CSMD3: variants seen among roughly 807,000 people sequenced by gnomAD.
CSMD3 encodes CUB and sushi domain-containing protein 3.
CSMD3 carries 177 observed loss-of-function variants against 435.2 expected under a neutral mutation model. The ratio of observed to expected loss-of-function variants is 0.41; its 90% confidence interval spans 0.36 to 0.46. The LOEUF (loss-of-function observed/expected upper bound fraction) is 0.46, where lower values mean the gene tolerates loss of function less well. CSMD3 is among the 20% of genes least tolerant of loss of function. The pLI is 0.34. For synonymous variants in CSMD3, 1,656 were observed against 1,520.5 expected (o/e 1.09, Z -2.07); for missense variants, 4,265 against 4,504.6 (o/e 0.95, Z 1.52).
chr8:112,920,339 A>C (rs1176161820), intron 10 of CSMD3, among the ~76,000 whole-genome samples: 4 of 151,912 alleles, frequency 2.6e-5, no homozygotes, highest in Non-Finnish European at 5.9e-5. Flanking sequence ...AGAAAAAGGT[A>C]AGCAAGTGGA....
chr8:112,745,119 T>C (rs774545224), intron 13 of CSMD3, among the ~76,000 whole-genome samples: 3 of 152,068 alleles, frequency 2.0e-5, no homozygotes, highest in Non-Finnish European at 4.4e-5. Context: ...GAATTGTAAA[T>C]TGGTACAATT....
intron 1 of CSMD3, among the ~76,000 whole-genome samples, chr8:113,367,188 C>A (rs1171657640): frequency 6.6e-6 from 1 of 151,804 alleles, no homozygotes; most frequent in Non-Finnish European, 1.5e-5. Context: ...CTTATGCTAT[C>A]AAATTTCCAA....
chr8:113,019,037 A>T (rs2086582231), intron 6 of CSMD3, 30 bp downstream of exon 6: 1 of 1,355,546 alleles, frequency 7.4e-7, no homozygotes, highest in Non-Finnish European at 1.1e-6. Context: ...TTTACATATC[A>T]AAAGAGGCAA....
intron 54 of CSMD3, among the ~76,000 whole-genome samples, chr8:112,295,378 C>T (rs1820161786): frequency 6.6e-6 from 1 of 151,954 alleles, no homozygotes; most frequent in Admixed American, 6.6e-5. Flanking sequence ...TGTGCTTCAT[C>T]AGTATATAAT....
intron 27 of CSMD3, among the ~76,000 whole-genome samples, chr8:112,519,871 G>T (rs540572345): frequency 1.3e-5 from 2 of 152,172 alleles, no homozygotes; most frequent in Non-Finnish European, 2.9e-5. Flanking sequence ...TAAAGCCTTT[G>T]TAATAAAATG....
chr8:113,171,672 A>G (rs1588200027), intron 4 of CSMD3, among the ~76,000 whole-genome samples: 1 of 152,164 alleles, frequency 6.6e-6, no homozygotes, highest in East Asian at 1.9e-4. Flanking sequence ...CAAAAAGGTA[A>G]CAAGCTCAGG....
At chr8:112,418,397 G>A (rs1586259978) in intron 32 of CSMD3, among the ~76,000 whole-genome samples, 2 of 152,026 alleles carry the variant, frequency 1.3e-5, no homozygotes, top group Middle Eastern at 3.2e-3. Context: ...AATGCAAAAT[G>A]CTTCCCTTTT....
At chr8:113,251,825 G>C (rs1332522361) in intron 3 of CSMD3, among the ~76,000 whole-genome samples, 1 of 151,942 alleles carries the variant, frequency 6.6e-6, no homozygotes, top group Non-Finnish European at 1.5e-5. Context: ...ACACTTTTCT[G>C]ATTCACTTGA....
chr8:112,706,436 A>G (rs775896275), intron 13 of CSMD3, among the ~76,000 whole-genome samples: 4 of 152,104 alleles, frequency 2.6e-5, no homozygotes, highest in African/African-American at 4.8e-5. Flanking sequence ...AAGAAGTAGA[A>G]AGACAAAAAA....
At chr8:113,390,870 C>A (rs1033797329) in intron 1 of CSMD3, among the ~76,000 whole-genome samples, 1 of 151,864 alleles carries the variant, frequency 6.6e-6, no homozygotes, top group African/African-American at 2.4e-5. Flanking sequence ...CTATTTCAGA[C>A]CCTACATCTT....
At chr8:112,469,014 G>C (rs914510307) in intron 32 of CSMD3, among the ~76,000 whole-genome samples, 1 of 151,990 alleles carries the variant, frequency 6.6e-6, no homozygotes, top group Non-Finnish European at 1.5e-5. Context: ...GATGGCAATT[G>C]ACTGACAAAG....
chr8:113,373,491 T>C (rs1201051280), intron 1 of CSMD3, among the ~76,000 whole-genome samples: 2 of 152,022 alleles, frequency 1.3e-5, no homozygotes, highest in South Asian at 2.1e-4. Context: ...TATATGTATA[T>C]AAATGCACAC....
intron 12 of CSMD3, among the ~76,000 whole-genome samples, chr8:112,820,541 A>T (rs1044645658): frequency 3.3e-5 from 5 of 151,162 alleles, no homozygotes; most frequent in Admixed American, 6.6e-5. Context: ...AGAACTGATT[A>T]AAAAAAAACT....
At chr8:113,108,057 CA>C (rs1392270578) in intron 4 of CSMD3, among the ~76,000 whole-genome samples, 7 of 152,050 alleles carry the variant, frequency 4.6e-5, no homozygotes, top group African/African-American at 1.2e-4. Context: ...AGTTCAAAAA[CA>C]TAGGAATAGT....
intron 30 of CSMD3, among the ~76,000 whole-genome samples, chr8:112,498,109 GTAA>G: frequency 6.6e-6 from 1 of 152,140 alleles, no homozygotes; most frequent in South Asian, 2.1e-4. Flanking sequence ...TATTCTCAAT[GTAA>G]TAATAACTTA....
chr8:113,246,996 T>C (rs143479153), intron 3 of CSMD3, among the ~76,000 whole-genome samples: 108 of 152,234 alleles, frequency 7.1e-4, no homozygotes, highest in Middle Eastern at 6.8e-3. Flanking sequence ...GGACCAGAAG[T>C]AGTAAGGGTT....
intron 3 of CSMD3, among the ~76,000 whole-genome samples, chr8:113,257,997 A>G (rs1345096561): frequency 6.6e-6 from 1 of 152,220 alleles, no homozygotes; most frequent in Non-Finnish European, 1.5e-5. Context: ...AAAAAGGTCA[A>G]CTGCACAATT....
intron 41 of CSMD3, among the ~76,000 whole-genome samples, chr8:112,342,585 T>A (rs1446738358): frequency 6.6e-6 from 1 of 151,916 alleles, no homozygotes; most frequent in African/African-American, 2.4e-5. Context: ...GGAAAGTGAG[T>A]CGCAGAGAAG....
At position 112,583,174 on chromosome 8, in the gene CSMD3, G is replaced by A. The variant is rs74744534; in HGVS notation, c.3885+3892C>T. On this transcript the variant is annotated intron_variant, in intron 23 of 70. Transcript: ENST00000297405. ...AGAAAAGAACCATAGAATTTGCTGA[G>A]GAATAATATACAAAGTGTGAAAGAA... Among the ~76,000 whole-genome samples, 238 of 152,032 alleles carry A rather than the reference G, an allele frequency of 1.6e-3. 4 individuals are homozygous for A. In the East Asian group the frequency reaches 0.042, roughly 27 times the overall value.
Sources: gnomAD v4.1 joint callset for allele counts (sites outside exome capture counted in the v4.1 genomes callset) on GRCh38, gnomAD v4.1.1 for gene constraint, MANE v1.5 for transcripts, NCBI Gene and HGNC (gene_info 2026-07-23, HGNC 2026-07-21) for gene names.